The following SPOCK1 variants were observed in gnomAD, a reference collection of about 807,000 sequenced individuals.
SPOCK1 encodes the protein testican-1.
SPOCK1 carries 23 observed loss-of-function variants against 55.3 expected under a neutral mutation model. That is an observed-to-expected ratio of 0.42 (90% CI 0.30 to 0.59). SPOCK1 has a LOEUF of 0.59. Ranked by LOEUF, SPOCK1 falls within the 20% of genes least tolerant of loss-of-function variation. The pLI is 0.22. For missense variants in SPOCK1, 499 were observed against 552.5 expected, an observed-to-expected ratio of 0.90 and a Z score of 0.97; for synonymous variants, 226 against 221.0, an observed-to-expected ratio of 1.02 and a Z score of -0.20.
In SPOCK1 at chr5:136,990,795, A is replaced by AAAAG. The variant is rs1052280531; in HGVS notation, c.706+1685_706+1688dup. On this transcript the variant is annotated intron_variant, in intron 7 of 10. Coordinates refer to ENST00000394945, the MANE Select transcript of SPOCK1 (RefSeq NM_004598.4). ...GGAGTTTACTGCTGACTGGTCGGCA[A>AAAAG]AAAGAAGTGCCAATCTGGTTGGGCA... 1.4e-3 allele frequency among the ~76,000 whole-genome samples: 220 copies of AAAAG among 152,312 alleles called. 1 individual carries two copies. Among genetic ancestry groups the AAAAG allele is most frequent in the African/African-American group, 4.9e-3 (203 of 41,580 alleles).
At chr5:137,487,123 T>G (rs545855849) in intron 2 of SPOCK1, among the ~76,000 whole-genome samples, 10 of 152,186 alleles carry the variant, frequency 6.6e-5, no homozygotes, top group African/African-American at 1.7e-4. Flanking sequence ...TCTTGGCAAT[T>G]TTTTTTAATC....
At chr5:137,175,419 G>A (rs1385046605) in intron 3 of SPOCK1, among the ~76,000 whole-genome samples, 1 of 152,166 alleles carries the variant, frequency 6.6e-6, no homozygotes, top group African/African-American at 2.4e-5. Flanking sequence ...CATTTAAGCT[G>A]CTTAGGGGCA....
chr5:137,331,632 G>A (rs888030090), intron 2 of SPOCK1, among the ~76,000 whole-genome samples: 1 of 152,160 alleles, frequency 6.6e-6, no homozygotes, highest in South Asian at 2.1e-4. Flanking sequence ...ATGTCACATG[G>A]TGAGAGGGGA....
chr5:137,172,471 C>G (rs1295019325), intron 3 of SPOCK1, among the ~76,000 whole-genome samples: 1 of 152,164 alleles, frequency 6.6e-6, no homozygotes, highest in Non-Finnish European at 1.5e-5. Context: ...CTCTCCCCTG[C>G]AGGAAGATGA....
At chr5:137,359,115 T>C (rs939716101) in intron 2 of SPOCK1, among the ~76,000 whole-genome samples, 6 of 152,198 alleles carry the variant, frequency 3.9e-5, no homozygotes, top group Admixed American at 6.5e-5. Flanking sequence ...CTTTTGAGCA[T>C]CATGTCCATA....
chr5:137,265,610 T>C (rs1158135078), intron 3 of SPOCK1, among the ~76,000 whole-genome samples: 4 of 152,238 alleles, frequency 2.6e-5, no homozygotes, highest in Non-Finnish European at 5.9e-5. Context: ...TCATATGCTT[T>C]TGAGTGAATC....
intron 5 of SPOCK1, among the ~76,000 whole-genome samples, chr5:137,083,785 G>A (rs1181459045): frequency 6.6e-6 from 1 of 151,936 alleles, no homozygotes; most frequent in Non-Finnish European, 1.5e-5. Context: ...GGAGGGAATG[G>A]GCATTCCTAA....
chr5:137,188,226 T>C (rs1177942703), intron 3 of SPOCK1, among the ~76,000 whole-genome samples: 8 of 152,218 alleles, frequency 5.3e-5, no homozygotes. Context: ...TGCCGCTTGC[T>C]CCAGCCACAC....
At chr5:137,212,175 T>A (rs1469042288) in intron 3 of SPOCK1, among the ~76,000 whole-genome samples, 6 of 152,134 alleles carry the variant, frequency 3.9e-5, no homozygotes, top group African/African-American at 9.7e-5. Flanking sequence ...AGTGACAGAA[T>A]TAAGTTAAAC....
intron 2 of SPOCK1, among the ~76,000 whole-genome samples, chr5:137,474,298 T>A (rs1453211381): frequency 6.6e-6 from 1 of 152,220 alleles, no homozygotes; most frequent in African/African-American, 2.4e-5. Context: ...CGGTAATTCC[T>A]AGACTCTTGT....
chr5:137,476,299 A>G (rs572429209), intron 2 of SPOCK1, among the ~76,000 whole-genome samples: 1 of 152,214 alleles, frequency 6.6e-6, no homozygotes, highest in Non-Finnish European at 1.5e-5. Context: ...TGTGGCAGGT[A>G]GAAAAGAGAA....
chr5:137,118,534 A>C (rs1753632243), intron 4 of SPOCK1, among the ~76,000 whole-genome samples: 1 of 152,212 alleles, frequency 6.6e-6, no homozygotes, highest in South Asian at 2.1e-4. Flanking sequence ...GAAGACATCA[A>C]TGTGACCCAG....
chr5:137,369,762 T>C (rs1182313601), intron 2 of SPOCK1, among the ~76,000 whole-genome samples: 1 of 152,230 alleles, frequency 6.6e-6, no homozygotes, highest in Non-Finnish European at 1.5e-5. Flanking sequence ...GGCTGCCTCC[T>C]GGCTGTACCC....
intron 3 of SPOCK1, among the ~76,000 whole-genome samples, chr5:137,244,103 T>C (rs1756348491): frequency 6.6e-6 from 1 of 152,176 alleles, no homozygotes; most frequent in African/African-American, 2.4e-5. Context: ...TCAGTGAGTA[T>C]AAAAAATGTC....
intron 4 of SPOCK1, among the ~76,000 whole-genome samples, chr5:137,113,943 A>G (rs111825573): frequency 1.2e-4 from 19 of 152,350 alleles, no homozygotes; most frequent in African/African-American, 4.3e-4. Flanking sequence ...CAAATGAAGG[A>G]AAGTGAGCAA....
intron 3 of SPOCK1, among the ~76,000 whole-genome samples, chr5:137,262,733 C>T (rs1422362545): frequency 2.6e-5 from 4 of 152,260 alleles, no homozygotes; most frequent in South Asian, 4.2e-4. Context: ...AAGACAAGCC[C>T]GTGTCAGTGT....
chr5:137,479,053 G>T (rs775784115), intron 2 of SPOCK1, among the ~76,000 whole-genome samples: 1 of 151,638 alleles, frequency 6.6e-6, no homozygotes, highest in African/African-American at 2.4e-5. Context: ...AGGTTCACCA[G>T]GTTTTCCCAC....
At chr5:137,174,427 A>T (rs1754814016) in intron 3 of SPOCK1, among the ~76,000 whole-genome samples, 1 of 152,174 alleles carries the variant, frequency 6.6e-6, no homozygotes, top group South Asian at 2.1e-4. Flanking sequence ...TCTTTCCCTG[A>T]GGCTACAATT....
At chr5:137,399,056 T>A (rs1418779780) in intron 2 of SPOCK1, among the ~76,000 whole-genome samples, 1 of 152,198 alleles carries the variant, frequency 6.6e-6, no homozygotes, top group Non-Finnish European at 1.5e-5. Context: ...AAGGAGATAG[T>A]GCATGCCACC....
Sources: gnomAD v4.1 joint callset for allele counts (sites outside exome capture counted in the v4.1 genomes callset) on GRCh38, gnomAD v4.1.1 for gene constraint, MANE v1.5 for transcripts, NCBI Gene and HGNC (gene_info 2026-07-23, HGNC 2026-07-21) for gene names.